Variants in TMEM232 observed in about 807,000 individuals in gnomAD.
The protein encoded by TMEM232 is transmembrane protein 232.
TMEM232 carries 80 observed loss-of-function variants against 78.8 expected under a neutral mutation model. That is an observed-to-expected ratio of 1.01 (90% CI 0.85 to 1.22). The LOEUF is 1.22. Among genes scored for constraint, TMEM232 ranks in the 50% most tolerant of loss-of-function variants. The probability of loss-of-function intolerance (pLI) is 0.00; values close to 1 mark genes in which losing one functional copy is unlikely to be tolerated. For missense variants in TMEM232, 881 were observed against 742.2 expected (o/e 1.19, Z -2.17); for synonymous variants, 297 against 254.3 (o/e 1.17, Z -1.60).
chr5:110,564,968 G>A (rs6870718), intron 11 of TMEM232, among the ~76,000 whole-genome samples: 7,139 of 151,872 alleles, frequency 0.047, 552 homozygotes, highest in African/African-American at 0.16. Flanking sequence ...GAAGATTTGC[G>A]GCTTGCCTCA....
chr5:110,455,416 T>C lies in TMEM232; in HGVS notation c.1704-30500A>G, dbSNP rs530165482. ...TTTTTGAGATGGAGTCTTGCTGTGT[T>C]GCCCAGGCTGGAGTGCAGTGGCGCA... On this transcript the variant is annotated intron_variant, in intron 12 of 13. Transcript: ENST00000455884. Among the ~76,000 whole-genome samples, 19 of 152,006 alleles carry C rather than the reference T, an allele frequency of 1.2e-4. 1 individual carries two copies. Among genetic ancestry groups the C allele is most frequent in the Middle Eastern group, 3.4e-3 (1 of 294 alleles).
At chr5:110,636,306 T>C (rs1008515563) in intron 5 of TMEM232, among the ~76,000 whole-genome samples, 1 of 151,908 alleles carries the variant, frequency 6.6e-6, no homozygotes, top group African/African-American at 2.4e-5. Context: ...AGTTGGTTAA[T>C]GGGTACAAAT....
At chr5:110,499,300 T>C (rs1486419461) in intron 12 of TMEM232, among the ~76,000 whole-genome samples, 2 of 152,188 alleles carry the variant, frequency 1.3e-5, no homozygotes, top group Non-Finnish European at 2.9e-5. Flanking sequence ...GATGTACTTT[T>C]TGTTTTCTTT....
intron 5 of TMEM232, among the ~76,000 whole-genome samples, chr5:110,636,097 T>C (rs1474811695): frequency 6.6e-6 from 1 of 151,964 alleles, no homozygotes; most frequent in African/African-American, 2.4e-5. Flanking sequence ...AATAATGAAA[T>C]GTCATTTGCA....
chr5:110,655,395 G>A (rs1256774339), intron 2 of TMEM232, among the ~76,000 whole-genome samples: 1 of 149,236 alleles, frequency 6.7e-6, no homozygotes, highest in Non-Finnish European at 1.5e-5. Flanking sequence ...TCATTAAAAA[G>A]TCAGGAAACA....
chr5:110,405,591 T>C (rs1404348521), intron 2 of TMEM232, among the ~76,000 whole-genome samples: 1 of 151,496 alleles, frequency 6.6e-6, no homozygotes, highest in African/African-American at 2.4e-5. Flanking sequence ...ATAAAAAAAA[T>C]TGATTAAAAT....
Position 110,617,082 on chromosome 5 carries a change from T to C in TMEM232, c.902+1347A>G, listed in dbSNP as rs75046627. ...GTGGTATGTATACACAATGGAATAC[T>C]ATCCTGTCTTTAAGAAGAAGGAAGT... On this transcript the variant is annotated intron_variant, in intron 8 of 13. Coordinates refer to ENST00000455884, the MANE Select transcript of TMEM232 (RefSeq NM_001039763.4). 5.7e-3 allele frequency among the ~76,000 whole-genome samples: 876 copies of C among 152,362 alleles called. 5 individuals carry two copies. Among genetic ancestry groups the C allele is most frequent in the African/African-American group, 0.02 (819 of 41,586 alleles).
chr5:110,482,580 T>C (rs908216632), intron 12 of TMEM232, among the ~76,000 whole-genome samples: 1 of 145,306 alleles, frequency 6.9e-6, no homozygotes, highest in Non-Finnish European at 1.5e-5. Context: ...AAACTCCATC[T>C]CAAAAAAAAT....
At chr5:110,660,422 T>C (rs1337097797) in intron 2 of TMEM232, among the ~76,000 whole-genome samples, 6 of 151,710 alleles carry the variant, frequency 4.0e-5, no homozygotes, top group Admixed American at 3.9e-4. Context: ...AAAATCTCAG[T>C]AAGGAAAATT....
At chr5:110,581,998 C>A (rs1778258878) in intron 10 of TMEM232, among the ~76,000 whole-genome samples, 3 of 151,716 alleles carry the variant, frequency 2.0e-5, no homozygotes, top group South Asian at 2.1e-4. Context: ...ATTTAAAAAT[C>A]AAAAAATAAC....
At chr5:110,567,108 T>C (rs973651636) in intron 11 of TMEM232, among the ~76,000 whole-genome samples, 10 of 151,818 alleles carry the variant, frequency 6.6e-5, no homozygotes, top group Non-Finnish European at 1.5e-4. Flanking sequence ...CATGATTCAA[T>C]TAACTCCCAC....
In TMEM232 at chr5:110,524,344, AG is replaced by A. The variant is rs1163319905; in HGVS notation, c.1703+4243del. 9.3e-4 allele frequency among the ~76,000 whole-genome samples: 126 copies of A among 134,960 alleles called. 1 individual carries two copies. Among genetic ancestry groups the A allele is most frequent in the African/African-American group, 3.4e-3 (121 of 35,086 alleles). The allele number at this position is 134,960 out of a possible 152,430, so 88.5% of individuals were successfully genotyped here. ...GGAAGGAAGGGAGAGAGAAAAAGAAAGAGAAAGAAAGAAAGAAAAAAAGAAA... is the reference window on the plus strand; with the variant it reads ...GGAAGGAAGGGAGAGAGAAAAAGAAAAGAAAGAAAGAAAGAAAAAAAGAAA... On this transcript the variant is annotated intron_variant, in intron 12 of 13. Coordinates refer to ENST00000455884, the MANE Select transcript of TMEM232 (RefSeq NM_001039763.4).
intron 12 of TMEM232, among the ~76,000 whole-genome samples, chr5:110,483,830 T>C (rs865827872): frequency 6.6e-5 from 10 of 152,284 alleles, no homozygotes; most frequent in South Asian, 2.1e-4. Context: ...GGAAAATTGA[T>C]ATTGTTCTAC....
At chr5:110,523,741 C>G (rs1031301018) in intron 12 of TMEM232, among the ~76,000 whole-genome samples, 1 of 151,670 alleles carries the variant, frequency 6.6e-6, no homozygotes, top group Admixed American at 6.6e-5. Flanking sequence ...CTGCTTGAGC[C>G]CAGGAGTTTG....
At chr5:110,544,906 T>C (rs960523069) in intron 11 of TMEM232, among the ~76,000 whole-genome samples, 6 of 152,136 alleles carry the variant, frequency 3.9e-5, no homozygotes, top group African/African-American at 1.4e-4. Flanking sequence ...CTGCACTTTA[T>C]GGTTTTAAGA....
chr5:110,684,083 T>A (rs376229914), intron 1 of TMEM232, among the ~76,000 whole-genome samples: 1 of 151,922 alleles, frequency 6.6e-6, no homozygotes, highest in Non-Finnish European at 1.5e-5. Context: ...TAAATGTATC[T>A]AGGAAAAACT....
chr5:110,509,031 TAC>T (rs1327696304), intron 12 of TMEM232, among the ~76,000 whole-genome samples: 11 of 145,842 alleles, frequency 7.5e-5, no homozygotes, highest in South Asian at 2.1e-4. Context: ...CAATTATATA[TAC>T]ACACACATAT....
At chr5:110,616,308 C>T (rs1782924019) in intron 8 of TMEM232, among the ~76,000 whole-genome samples, 1 of 151,898 alleles carries the variant, frequency 6.6e-6, no homozygotes, top group Admixed American at 6.6e-5. Flanking sequence ...CAAGAATACA[C>T]AATAGAGAAA....
chr5:110,478,897 A>ATTTTTTTT (rs746104997), intron 12 of TMEM232, among the ~76,000 whole-genome samples: 6 of 111,812 alleles, frequency 5.4e-5, no homozygotes, highest in Admixed American at 9.4e-5. Flanking sequence ...GGAGAAATTG[A>ATTTTTTTT]TTTTTTTTTT....
Sources: allele counts gnomAD v4.1 joint callset (sites outside exome capture counted in the v4.1 genomes callset), GRCh38; gene constraint gnomAD v4.1.1; transcripts MANE v1.5; gene names NCBI Gene and HGNC (gene_info 2026-07-23, HGNC 2026-07-21).